Variants in TMEM117 observed in about 807,000 individuals in gnomAD.
The protein encoded by TMEM117 is transmembrane protein 117.
A neutral mutation model predicts 52.4 loss-of-function variants in TMEM117; 27 were observed. That is an observed-to-expected ratio of 0.51 (90% CI 0.38 to 0.71). TMEM117 has a LOEUF of 0.71. Among genes scored for constraint, TMEM117 ranks in the 30% least tolerant of loss-of-function variants. TMEM117 has a pLI of 0.00. For missense variants in TMEM117, 556 were observed against 630.5 expected, an observed-to-expected ratio of 0.88 and a Z score of 1.26; for synonymous variants, 215 against 206.3, an observed-to-expected ratio of 1.04 and a Z score of -0.36.
chr12:44,215,533 A>G (rs1445977038), intron 5 of TMEM117, among the ~76,000 whole-genome samples: 1 of 151,440 alleles, frequency 6.6e-6, no homozygotes, highest in African/African-American at 2.5e-5. Context: ...ATGCTCTTCT[A>G]TTTTTCAGAG....
At chr12:44,047,030 A>G (rs1592471032) in intron 3 of TMEM117, among the ~76,000 whole-genome samples, 1 of 152,244 alleles carries the variant, frequency 6.6e-6, no homozygotes, top group South Asian at 2.1e-4. Flanking sequence ...AATACTGAGT[A>G]TCAACTTGAT....
At chr12:43,996,449 C>T (rs569865697) in intron 3 of TMEM117, among the ~76,000 whole-genome samples, 2 of 152,174 alleles carry the variant, frequency 1.3e-5, no homozygotes, top group South Asian at 4.2e-4. Flanking sequence ...CAAGACCACC[C>T]TGGATAACAC....
the TMEM117 span, among the ~76,000 whole-genome samples, chr12:44,396,802 C>A: frequency 6.8e-6 from 1 of 146,716 alleles, no homozygotes; most frequent in East Asian, 2.0e-4. Flanking sequence ...TGCAGTGAGC[C>A]GAGATTGTGC....
intron 2 of TMEM117, among the ~76,000 whole-genome samples, chr12:43,908,281 C>A (rs1440387104): frequency 9.4e-5 from 7 of 74,166 alleles, no homozygotes; most frequent in African/African-American, 2.1e-4. Context: ...AAATCCTTTA[C>A]AGACAAGCAA....
chr12:44,273,235 G>GGA (rs1332721474), intron 5 of TMEM117, among the ~76,000 whole-genome samples: 1 of 151,522 alleles, frequency 6.6e-6, no homozygotes, highest in African/African-American at 2.4e-5. Context: ...GTGGAGGTGG[G>GGA]GGGATAGCAT....
At chr12:44,391,077 T>C (rs1459187521), downstream of TMEM117, among the ~76,000 whole-genome samples, 2 of 152,172 alleles carry the variant, frequency 1.3e-5, no homozygotes, top group African/African-American at 4.8e-5. Flanking sequence ...ATGTGATGTC[T>C]TAATTGCAGT....
At chr12:44,337,712 G>A (rs958494578) in intron 6 of TMEM117, among the ~76,000 whole-genome samples, 3 of 152,048 alleles carry the variant, frequency 2.0e-5, no homozygotes, top group African/African-American at 7.2e-5. Flanking sequence ...CTCCTTGGGG[G>A]TTAGTGTGAC....
chr12:44,125,292 A>G (rs1233624842), intron 3 of TMEM117, among the ~76,000 whole-genome samples: 5 of 152,030 alleles, frequency 3.3e-5, no homozygotes, highest in African/African-American at 9.7e-5. Context: ...TATTTTTAGT[A>G]GAGACGGGGT....
chr12:43,993,781 A>G (rs112802052), intron 3 of TMEM117, among the ~76,000 whole-genome samples: 1 of 152,078 alleles, frequency 6.6e-6, no homozygotes, highest in Non-Finnish European at 1.5e-5. Context: ...TGCAGCTTCA[A>G]CCTCCAGGGC....
chr12:44,083,303 C>T (rs1487719025), intron 3 of TMEM117, among the ~76,000 whole-genome samples: 1 of 149,518 alleles, frequency 6.7e-6, no homozygotes, highest in East Asian at 2.0e-4. Flanking sequence ...AAACTGTTTT[C>T]AAAAATGTTT....
Position 44,171,179 on chromosome 12 carries a change from C to G in TMEM117, c.510+27555C>G, listed in dbSNP as rs569009416. 3.9e-5 allele frequency among the ~76,000 whole-genome samples: 6 copies of G among 152,134 alleles called. No homozygotes were observed. The South Asian group carries it at 1.0e-3, about 26-fold the overall frequency. On this transcript the variant is annotated intron_variant, in intron 4 of 7. Coordinates refer to ENST00000266534, the MANE Select transcript of TMEM117 (RefSeq NM_032256.3). ...TACAGGCGCCCGCCACTACGCCCGG[C>G]TAATTTTTTGTATTTTTAGTAGAGA...
At chr12:43,856,701 A>AT (rs1220093203) in intron 2 of TMEM117, among the ~76,000 whole-genome samples, 1 of 151,938 alleles carries the variant, frequency 6.6e-6, no homozygotes, top group Non-Finnish European at 1.5e-5. Flanking sequence ...ATTCCTTTTT[A>AT]TTTCTGACTG....
intron 2 of TMEM117, among the ~76,000 whole-genome samples, chr12:43,850,846 C>T (rs576343112): frequency 6.7e-5 from 10 of 148,806 alleles, no homozygotes; most frequent in African/African-American, 2.6e-4. Flanking sequence ...TTTGTACATG[C>T]AAACTTCTGA....
intron 3 of TMEM117, among the ~76,000 whole-genome samples, chr12:44,006,274 C>T (rs1028080744): frequency 2.6e-5 from 4 of 152,156 alleles, no homozygotes; most frequent in South Asian, 2.1e-4. Flanking sequence ...TAGACAGAGT[C>T]GGCAAGAAGG....
chr12:43,970,991 T>C (rs548436106), intron 3 of TMEM117, among the ~76,000 whole-genome samples: 1 of 152,250 alleles, frequency 6.6e-6, no homozygotes, highest in South Asian at 2.1e-4. Context: ...AATTGAACTC[T>C]TCACTTCTCT....
chr12:43,806,335 C>A, the TMEM117 span: 1 of 1,284,778 alleles, frequency 7.8e-7, no homozygotes, highest in Non-Finnish European at 9.8e-7. Context: ...CTCCGCCGGC[C>A]CCGGCGCGTC....
Position 44,388,012 on chromosome 12 carries a change from C to G in TMEM117, c.899-14C>G. The G allele has an allele frequency of 6.3e-7, 1 of 1,590,760 alleles. No individual in the cohort carries two copies. Among genetic ancestry groups the G allele is most frequent in the Non-Finnish European group, 8.5e-7 (1 of 1,169,738 alleles). ...TGGCCCTTTGATTAATGCAGTATTT[C>G]TTTTTTAATGCAGGCAAATGGTTTA... is the stretch of plus-strand genomic sequence containing the variant. On this transcript the variant is annotated splice_polypyrimidine_tract_variant and intron_variant, in intron 7 of 7. Coordinates refer to ENST00000266534, the MANE Select transcript of TMEM117 (RefSeq NM_032256.3).
intron 4 of TMEM117, among the ~76,000 whole-genome samples, chr12:44,168,787 C>T (rs149486693): frequency 5.3e-5 from 8 of 152,142 alleles, no homozygotes; most frequent in South Asian, 4.1e-4. Context: ...TGTGTGGAAC[C>T]GGAACCACCA....
At chr12:43,957,054 C>T (rs1356569419) in intron 3 of TMEM117, among the ~76,000 whole-genome samples, 1 of 152,086 alleles carries the variant, frequency 6.6e-6, no homozygotes, top group Non-Finnish European at 1.5e-5. Context: ...AATGCAGGAA[C>T]AGAAAACCAA....
Sources: allele counts gnomAD v4.1 joint callset (sites outside exome capture counted in the v4.1 genomes callset), GRCh38; gene constraint gnomAD v4.1.1; transcripts MANE v1.5; gene names NCBI Gene and HGNC (gene_info 2026-07-23, HGNC 2026-07-21).